Variants in SEMA3D observed in about 807,000 individuals in gnomAD.
The protein encoded by SEMA3D is semaphorin-3D.
SEMA3D carries 84 observed loss-of-function variants against 100.1 expected under a neutral mutation model. That is an observed-to-expected ratio of 0.84 (90% CI 0.70 to 1.01). SEMA3D has a LOEUF of 1.01. SEMA3D is among the 50% of genes least tolerant of loss of function. The probability of loss-of-function intolerance (pLI) is 0.00; values close to 1 mark genes in which losing one functional copy is unlikely to be tolerated. For missense variants in SEMA3D, 875 were observed against 934.1 expected (o/e 0.94, Z 0.82); for synonymous variants, 312 against 320.7 (o/e 0.97, Z 0.29).
intron 7 of SEMA3D, 79 bp from the exon 8 acceptor site, chr7:85,065,631 A>T: frequency 1.9e-6 from 2 of 1,048,860 alleles, no homozygotes; most frequent in Non-Finnish European, 2.9e-6. Flanking sequence ...ATTTCACAGC[A>T]TGACACCAAA....
the SEMA3D span, among the ~76,000 whole-genome samples, chr7:85,213,967 T>C: frequency 6.6e-6 from 1 of 152,154 alleles, no homozygotes; most frequent in South Asian, 2.1e-4. Context: ...TGAAAACATG[T>C]GCATCTATGT....
At chr7:85,019,296 T>A (rs537646955) in intron 14 of SEMA3D, among the ~76,000 whole-genome samples, 2 of 151,882 alleles carry the variant, frequency 1.3e-5, no homozygotes, top group South Asian at 4.1e-4. Context: ...ATAGGCACTG[T>A]ATTTTTGGCC....
At chr7:85,120,619 G>T (rs1554345498) in intron 3 of SEMA3D, among the ~76,000 whole-genome samples, 1 of 139,082 alleles carries the variant, frequency 7.2e-6, no homozygotes, top group South Asian at 2.3e-4. Context: ...AGTGAGCCGA[G>T]ATCATGCCCT....
chr7:85,006,776 A>C (rs1161563940), intron 18 of SEMA3D, 26 bp downstream of exon 18: 7 of 1,548,568 alleles, frequency 4.5e-6, no homozygotes, highest in Non-Finnish European at 6.2e-6. Context: ...CCTCAAAGTG[A>C]GTATTCTTTG....
chr7:85,020,176 A>G lies in SEMA3D; in HGVS notation c.1503+57T>C, dbSNP rs1165754984. ...ATGTATTAAAACAAGGGTGCCCTAT[A>G]ACAAGCGCTACTCAGTTTCAACATC... is the stretch of plus-strand genomic sequence containing the variant. On this transcript the variant is annotated intron_variant, in intron 14 of 18. Coordinates refer to ENST00000284136, the MANE Select transcript of SEMA3D (RefSeq NM_001384900.1). The G allele has an allele frequency of 3.5e-6, 4 of 1,151,944 alleles. No homozygotes were observed. In the African/African-American group the frequency reaches 4.6e-5, roughly 13 times the overall value. The allele number at this position is 1,151,944 out of a possible 1,614,324, so 71.4% of individuals were successfully genotyped here.
chr7:85,245,000 T>G, the SEMA3D span, among the ~76,000 whole-genome samples: 65 of 152,114 alleles, frequency 4.3e-4, no homozygotes, highest in African/African-American at 1.4e-3. Flanking sequence ...CGTGAGCCAC[T>G]GCGCCCGGCC....
intron 12 of SEMA3D, chr7:85,029,836 A>T (rs1367876998): frequency 5.1e-6 from 1 of 195,182 alleles, no homozygotes; most frequent in Non-Finnish European, 1.0e-5. Context: ...AATATGGAAC[A>T]TGAGCACAAG....
At chr7:85,134,659 A>G (rs1583955875) in intron 2 of SEMA3D, among the ~76,000 whole-genome samples, 1 of 151,990 alleles carries the variant, frequency 6.6e-6, no homozygotes, top group East Asian at 1.9e-4. Flanking sequence ...GGTATCCCCA[A>G]AGCTTAACAC....
At chr7:85,089,228 T>A (rs577060489) in intron 4 of SEMA3D, among the ~76,000 whole-genome samples, 1 of 152,278 alleles carries the variant, frequency 6.6e-6, no homozygotes, top group African/African-American at 2.4e-5. Context: ...TTTTTGTGTA[T>A]GCCAGCTAAT....
chr7:85,126,813 G>A (rs1789584553), intron 2 of SEMA3D, among the ~76,000 whole-genome samples: 1 of 152,046 alleles, frequency 6.6e-6, no homozygotes, highest in South Asian at 2.1e-4. Context: ...GTTACAGGGG[G>A]CTATTATTTA....
the SEMA3D span, among the ~76,000 whole-genome samples, chr7:85,229,181 G>T: frequency 2.0e-5 from 3 of 151,858 alleles, no homozygotes; most frequent in Non-Finnish European, 4.4e-5. Context: ...CCATATTTTA[G>T]AAATCTTGAA....
chr7:85,078,849 G>C (rs547213679), intron 5 of SEMA3D, among the ~76,000 whole-genome samples: 1 of 152,250 alleles, frequency 6.6e-6, no homozygotes, highest in Non-Finnish European at 1.5e-5. Flanking sequence ...AAAATTACTA[G>C]AGAGGAAGAA....
At chr7:85,148,787 C>T (rs1255374146) in intron 2 of SEMA3D, among the ~76,000 whole-genome samples, 2 of 151,660 alleles carry the variant, frequency 1.3e-5, no homozygotes, top group East Asian at 1.9e-4. Context: ...TATATATGTG[C>T]GGTGTGTACA....
the SEMA3D span, among the ~76,000 whole-genome samples, chr7:85,220,632 G>GT: frequency 1.6e-4 from 24 of 152,044 alleles, 1 homozygote; most frequent in Admixed American, 1.6e-3. Flanking sequence ...TAGGAAAGTA[G>GT]TAACACCAGT....
chr7:85,079,859 A>G (rs1352204714), intron 5 of SEMA3D, among the ~76,000 whole-genome samples: 1 of 152,192 alleles, frequency 6.6e-6, no homozygotes, highest in Non-Finnish European at 1.5e-5. Flanking sequence ...TCATAACCAA[A>G]GCATTTCATT....
chr7:85,109,267 T>A (rs1213921426), intron 3 of SEMA3D, among the ~76,000 whole-genome samples: 1 of 152,014 alleles, frequency 6.6e-6, no homozygotes, highest in East Asian at 1.9e-4. Flanking sequence ...GTACATAGAC[T>A]GTTCATGTGA....
intron 1 of SEMA3D, among the ~76,000 whole-genome samples, chr7:85,157,084 A>C (rs906677539): frequency 3.6e-5 from 5 of 139,864 alleles, no homozygotes; most frequent in African/African-American, 1.4e-4. Flanking sequence ...GAAATACAGA[A>C]TGTCTCACTG....
the SEMA3D span, among the ~76,000 whole-genome samples, chr7:85,197,637 C>T: frequency 6.6e-6 from 1 of 152,134 alleles, no homozygotes; most frequent in African/African-American, 2.4e-5. Flanking sequence ...TGTCATGGGC[C>T]ATGGTCACTC....
intron 2 of SEMA3D, chr7:85,142,206 T>G (rs1790072208): frequency 1.0e-6 from 1 of 983,526 alleles, no homozygotes; most frequent in Admixed American, 6.2e-5. Context: ...ACTCAATTGC[T>G]TATTTAATCA....
Sources: gnomAD v4.1 joint callset for allele counts (sites outside exome capture counted in the v4.1 genomes callset) on GRCh38, gnomAD v4.1.1 for gene constraint, MANE v1.5 for transcripts, NCBI Gene and HGNC (gene_info 2026-07-23, HGNC 2026-07-21) for gene names.